Variants in ZNF385D observed in about 807,000 individuals in gnomAD.
ZNF385D encodes zinc finger protein 659.
Under a neutral mutation model 35.8 loss-of-function variants are expected in ZNF385D, and 15 were observed. The ratio of observed to expected loss-of-function variants is 0.42; its 90% CI spans 0.28 to 0.64. The LOEUF is 0.64. Ranked by LOEUF, ZNF385D falls within the 30% of genes least tolerant of loss-of-function variation. The pLI is 0.23. For synonymous variants in ZNF385D, 212 were observed against 186.8 expected, an observed-to-expected ratio of 1.13 and a Z score of -1.10; for missense variants, 474 against 494.6, an observed-to-expected ratio of 0.96 and a Z score of 0.39.
intron 2 of ZNF385D, among the ~76,000 whole-genome samples, chr3:22,189,407 C>T (rs771551010): frequency 6.6e-6 from 1 of 152,124 alleles, no homozygotes; most frequent in Non-Finnish European, 1.5e-5. Flanking sequence ...ATATACATTG[C>T]TAGCCTCAGT....
At chr3:22,008,003 T>G (rs576643780) in intron 3 of ZNF385D, among the ~76,000 whole-genome samples, 1 of 152,054 alleles carries the variant, frequency 6.6e-6, no homozygotes, top group South Asian at 2.1e-4. Flanking sequence ...AGAACTTGTA[T>G]AGTTTCTTTC....
At chr3:22,369,996 C>A (rs951488784) in intron 2 of ZNF385D, among the ~76,000 whole-genome samples, 1 of 152,134 alleles carries the variant, frequency 6.6e-6, no homozygotes, top group Admixed American at 6.5e-5. Flanking sequence ...CTCATCTAAT[C>A]TTCGTTACTA....
chr3:21,758,234 T>C (rs1243530358), intron 3 of ZNF385D, among the ~76,000 whole-genome samples: 3 of 152,208 alleles, frequency 2.0e-5, no homozygotes, highest in East Asian at 1.9e-4. Flanking sequence ...AAGGCTCTTA[T>C]GAGTCAAGGA....
chr3:21,756,671 C>T lies in ZNF385D; in HGVS notation c.326-91643G>A, dbSNP rs548861368. Among the ~76,000 whole-genome samples the T allele has an allele frequency of 6.0e-4, 91 of 152,176 alleles. 2 individuals are homozygous for T. The highest frequency in any genetic ancestry group is 2.0e-3 in the African/African-American group (84 of 41,516). ...GTGGGACATTATAAGAGCAAAAGCACAAGTATATGGGGAGTTAGTGATGAA... is the reference window on the plus strand; with the variant it reads ...GTGGGACATTATAAGAGCAAAAGCATAAGTATATGGGGAGTTAGTGATGAA... On this transcript the variant is annotated intron_variant, in intron 3 of 5. Transcript: ENST00000494108.
At chr3:22,243,891 C>T (rs1559474899) in intron 2 of ZNF385D, among the ~76,000 whole-genome samples, 5 of 150,680 alleles carry the variant, frequency 3.3e-5, no homozygotes. Context: ...GGAAATATGG[C>T]CCTTAAGCTC....
At chr3:21,672,353 G>T (rs2066601602) in intron 1 of ZNF385D, among the ~76,000 whole-genome samples, 1 of 150,802 alleles carries the variant, frequency 6.6e-6, no homozygotes, top group South Asian at 2.1e-4. Flanking sequence ...TTACTATAAA[G>T]CTCCTCATTG....
intron 3 of ZNF385D, among the ~76,000 whole-genome samples, chr3:21,822,023 A>G (rs1694271812): frequency 6.6e-6 from 1 of 151,834 alleles, no homozygotes; most frequent in Non-Finnish European, 1.5e-5. Context: ...TTATTGCTCC[A>G]AAAGGAGCAA....
intron 3 of ZNF385D, among the ~76,000 whole-genome samples, chr3:21,823,638 T>C (rs9820960): frequency 0.017 from 2,600 of 152,242 alleles, 73 homozygotes; most frequent in African/African-American, 0.059. Context: ...TAGCAATATC[T>C]CAGAAGTGAA....
intron 3 of ZNF385D, among the ~76,000 whole-genome samples, chr3:22,042,643 C>T (rs1698736578): frequency 6.6e-6 from 1 of 152,112 alleles, no homozygotes; most frequent in African/African-American, 2.4e-5. Context: ...CCATAAAACA[C>T]CCATTGCTTC....
In ZNF385D at chr3:22,282,924, T is replaced by G. The variant is rs536984376; in HGVS notation, c.106+89526A>C. ...TGGATAAGAATTCACCAATCAAGTA[T>G]CTGCTATCTTCAAGAGACTCACCTG... On this transcript the variant is annotated intron_variant, in intron 2 of 5. Coordinates refer to the ZNF385D transcript ENST00000494108. 5.9e-5 allele frequency among the ~76,000 whole-genome samples: 9 copies of G among 152,144 alleles called. No homozygotes were observed. In the South Asian group the frequency reaches 8.3e-4, roughly 14 times the overall value.
chr3:21,481,766 C>A (rs1367807151), intron 4 of ZNF385D, among the ~76,000 whole-genome samples: 1 of 152,146 alleles, frequency 6.6e-6, no homozygotes, highest in Non-Finnish European at 1.5e-5. Flanking sequence ...CCTCCTTTCA[C>A]TGTCTAGTTA....
rs181553129 is a variant in ZNF385D, at chr3:22,314,656, A to G, written c.106+57794T>C. ...AGCCTGCAAATCATTGTCATATTTA[A>G]GATTTTCTTTACCCTTCAAGAACAA... On this transcript the variant is annotated intron_variant, in intron 2 of 5. Coordinates refer to the ZNF385D transcript ENST00000494108. Among the ~76,000 whole-genome samples, 13 of 152,256 alleles carry G rather than the reference A, an allele frequency of 8.5e-5. No individual in the cohort carries two copies. In the South Asian group the frequency reaches 1.0e-3, roughly 12 times the overall value.
intron 3 of ZNF385D, among the ~76,000 whole-genome samples, chr3:22,016,234 G>A (rs1696876037): frequency 6.6e-6 from 1 of 152,088 alleles, no homozygotes; most frequent in Admixed American, 6.6e-5. Context: ...ACAGCAAGGA[G>A]ATGCCACTAG....
intron 3 of ZNF385D, among the ~76,000 whole-genome samples, chr3:21,541,732 C>A (rs531623656): frequency 2.6e-5 from 4 of 152,070 alleles, no homozygotes; most frequent in Non-Finnish European, 4.4e-5. Flanking sequence ...TCTTGATAAA[C>A]AGGAACTAGG....
At chr3:21,832,246 A>G (rs888304558) in intron 3 of ZNF385D, among the ~76,000 whole-genome samples, 1 of 152,242 alleles carries the variant, frequency 6.6e-6, no homozygotes, top group African/African-American at 2.4e-5. Flanking sequence ...AAATAAAAAA[A>G]GATTATAGCA....
chr3:22,371,619 C>T (rs75225756), intron 2 of ZNF385D, among the ~76,000 whole-genome samples: 3,268 of 152,286 alleles, frequency 0.021, 114 homozygotes, highest in African/African-American at 0.075. Context: ...ATTTTGGAGG[C>T]TGCAGGTGTC....
intron 3 of ZNF385D, among the ~76,000 whole-genome samples, chr3:22,067,662 A>T (rs1038147819): frequency 6.6e-6 from 1 of 152,208 alleles, no homozygotes; most frequent in Non-Finnish European, 1.5e-5. Context: ...ATGGGAAAGG[A>T]TATCTTTCTC....
intron 2 of ZNF385D, among the ~76,000 whole-genome samples, chr3:22,201,211 T>G (rs1245178592): frequency 1.3e-5 from 2 of 152,134 alleles, no homozygotes; most frequent in Non-Finnish European, 2.9e-5. Context: ...CTAATAAATG[T>G]CCATGAAATC....
chr3:22,131,879 T>C (rs996990330), intron 3 of ZNF385D, among the ~76,000 whole-genome samples: 11 of 152,180 alleles, frequency 7.2e-5, no homozygotes, highest in African/African-American at 1.2e-4. Context: ...AAACATAATA[T>C]GATTATTTTG....
Sources: gnomAD v4.1 joint callset for allele counts (sites outside exome capture counted in the v4.1 genomes callset) on GRCh38, gnomAD v4.1.1 for gene constraint, MANE v1.5 for transcripts, NCBI Gene and HGNC (gene_info 2026-07-23, HGNC 2026-07-21) for gene names.